SAE1: variants seen among roughly 807,000 people sequenced by gnomAD.
The protein encoded by SAE1 is SUMO-activating enzyme subunit 1.
Under a neutral mutation model 40.6 loss-of-function variants are expected in SAE1, and 11 were observed. The ratio of observed to expected loss-of-function variants is 0.27; its 90% CI spans 0.17 to 0.45. The LOEUF is 0.45. Ranked by LOEUF, SAE1 falls within the 20% of genes least tolerant of loss-of-function variation. The pLI is 1.00. For synonymous variants in SAE1, 155 were observed against 154.3 expected (o/e 1.00, Z -0.03); for missense variants, 373 against 427.3 (o/e 0.87, Z 1.12).
chr19:47,209,443 G>T lies in SAE1; in HGVS notation c.*192G>T, dbSNP rs1266562840. The T allele has an allele frequency of 3.0e-5, 28 of 946,806 alleles. No individual in the cohort carries two copies. Among genetic ancestry groups the T allele is most frequent in the Non-Finnish European group, 4.1e-5 (26 of 633,136 alleles). 58.7% of individuals were successfully genotyped at this position (946,806 alleles called of 1,614,324 possible). ...CACCAGCAGCTGCTCGACAAGGGGC[G>T]CAGGGTGGCTGTCTTTGTTCCAGCA... On this transcript the variant is annotated 3_prime_UTR_variant, in exon 9 of 9. Transcript: ENST00000270225.
intron 5 of SAE1, among the ~76,000 whole-genome samples, chr19:47,161,610 CTTA>C (rs893656181): frequency 3.9e-5 from 6 of 152,112 alleles, no homozygotes; most frequent in African/African-American, 9.6e-5. Context: ...TGACATGGAA[CTTA>C]TTATACAATA....
At chr19:47,208,667 C>T (rs948608516) in intron 8 of SAE1, among the ~76,000 whole-genome samples, 2 of 152,154 alleles carry the variant, frequency 1.3e-5, no homozygotes, top group African/African-American at 2.4e-5. Flanking sequence ...TCAGGTGATC[C>T]GCCCACTTCA....
chr19:47,208,507 C>G (rs2058697089), intron 8 of SAE1, among the ~76,000 whole-genome samples: 1 of 151,972 alleles, frequency 6.6e-6, no homozygotes, highest in East Asian at 1.9e-4. Context: ...GTGGCGCAAT[C>G]TCAGTTTACT....
At position 47,130,894 on chromosome 19, in the gene SAE1, G is replaced by A. The variant is rs938091195; in HGVS notation, c.-37G>A. ...CGCGGGTCCGGCGGGCGGTTGGCTTGAGCGGGACCGGAGCTGAGGCAGGAA... is the reference window on the plus strand; with the variant it reads ...CGCGGGTCCGGCGGGCGGTTGGCTTAAGCGGGACCGGAGCTGAGGCAGGAA... On this transcript the variant is annotated 5_prime_UTR_variant, in exon 1 of 9. Coordinates refer to ENST00000270225, the MANE Select transcript of SAE1 (RefSeq NM_005500.3). The A allele has an allele frequency of 6.5e-7, 1 of 1,547,874 alleles. No individual in the cohort carries two copies. The highest frequency in any genetic ancestry group is 8.7e-7 in the Non-Finnish European group (1 of 1,146,198).
intron 5 of SAE1, among the ~76,000 whole-genome samples, chr19:47,156,128 C>T (rs2058323199): frequency 6.6e-6 from 1 of 151,668 alleles, no homozygotes; most frequent in East Asian, 1.9e-4. Context: ...AAAAATTTGT[C>T]TGGCGTGATG....
chr19:47,172,341 G>A (rs755888800), intron 6 of SAE1, among the ~76,000 whole-genome samples: 6 of 152,224 alleles, frequency 3.9e-5, no homozygotes, highest in Admixed American at 3.9e-4. Context: ...GTGGGATCAG[G>A]TGTGGAAGAG....
chr19:47,182,598 G>A (rs1387312754), intron 6 of SAE1, among the ~76,000 whole-genome samples: 1 of 152,030 alleles, frequency 6.6e-6, no homozygotes, highest in Non-Finnish European at 1.5e-5. Context: ...GGAAACAGGA[G>A]AGGTGAGGAG....
In SAE1 at chr19:47,192,011, G is replaced by A. The variant is rs184743592; in HGVS notation, c.734-5222G>A. Among the ~76,000 whole-genome samples the A allele has an allele frequency of 2.2e-3, 324 of 149,776 alleles. 1 individual carries two copies. The highest frequency in any genetic ancestry group is 7.4e-3 in the African/African-American group (301 of 40,684). ...GGAGCTTGCAGTGAGCCGAGATCGC[G>A]CCACCGCACTCCAGCCTGGGCAACA... is the stretch of plus-strand genomic sequence containing the variant. On this transcript the variant is annotated intron_variant, in intron 6 of 8. Coordinates refer to ENST00000270225, the MANE Select transcript of SAE1 (RefSeq NM_005500.3).
chr19:47,180,346 C>T (rs759704984), intron 6 of SAE1: 12 of 441,980 alleles, frequency 2.7e-5, no homozygotes, highest in South Asian at 1.6e-4. Flanking sequence ...TAAGGAAGTG[C>T]TCTAAGAATG....
chr19:47,131,066 AG>A (rs1336180347), intron 1 of SAE1, 38 bp downstream of exon 1: 2 of 1,479,404 alleles, frequency 1.4e-6, no homozygotes. Flanking sequence ...TAGGGTCTGG[AG>A]GGGGCGTCTA....
chr19:47,148,068 T>C (rs2058265544), intron 2 of SAE1, among the ~76,000 whole-genome samples: 1 of 152,190 alleles, frequency 6.6e-6, no homozygotes, highest in East Asian at 1.9e-4. Context: ...CCCTCAACTG[T>C]ACGTTTTTAT....
intron 2 of SAE1, among the ~76,000 whole-genome samples, chr19:47,147,717 T>G (rs540443999): frequency 2.7e-4 from 41 of 151,656 alleles, no homozygotes; most frequent in African/African-American, 9.4e-4. Context: ...CCTCCCAAGC[T>G]GCTGGGTTTA....
intron 3 of SAE1, among the ~76,000 whole-genome samples, chr19:47,150,928 T>C (rs1026006834): frequency 6.6e-6 from 1 of 152,180 alleles, no homozygotes; most frequent in South Asian, 2.1e-4. Context: ...ATGAGGCATA[T>C]CCAGCCTCAT....
chr19:47,183,698 C>T (rs2058525403), intron 6 of SAE1, among the ~76,000 whole-genome samples: 1 of 152,248 alleles, frequency 6.6e-6, no homozygotes, highest in South Asian at 2.1e-4. Context: ...CAAGGCCCAG[C>T]TGCAATTCTT....
At chr19:47,154,678 T>C (rs2058309830) in intron 4 of SAE1, among the ~76,000 whole-genome samples, 2 of 151,594 alleles carry the variant, frequency 1.3e-5, no homozygotes, top group Non-Finnish European at 2.9e-5. Flanking sequence ...GTATTTTTAG[T>C]AGAGACGGGG....
chr19:47,144,915 T>G (rs573015209), intron 2 of SAE1, among the ~76,000 whole-genome samples: 2 of 152,260 alleles, frequency 1.3e-5, no homozygotes, highest in South Asian at 4.1e-4. Flanking sequence ...CACTGCAACC[T>G]CCGCTTCCCG....
At chr19:47,156,743 C>G (rs2058326943) in intron 5 of SAE1, among the ~76,000 whole-genome samples, 2 of 152,066 alleles carry the variant, frequency 1.3e-5, no homozygotes, top group African/African-American at 2.4e-5. Context: ...GGTATGAATC[C>G]TCAGATTCAT....
intron 5 of SAE1, among the ~76,000 whole-genome samples, chr19:47,163,000 AT>A (rs1219151049): frequency 2.0e-5 from 3 of 151,762 alleles, no homozygotes; most frequent in African/African-American, 4.8e-5. Context: ...TCAAAAAAAA[AT>A]TTTTTTTTAA....
At position 47,209,968 on chromosome 19, in the gene SAE1, C is replaced by T. The variant is rs2058705305; in HGVS notation, c.*717C>T. 6.6e-6 allele frequency: 1 copy of T among 152,164 alleles called. No homozygotes were observed. The highest frequency in any genetic ancestry group is 2.4e-5 in the African/African-American group (1 of 41,432). 9.4% of individuals were successfully genotyped at this position (152,164 alleles called of 1,614,324 possible). A position where few individuals can be genotyped will look rare whatever the true frequency, so the allele number is the denominator to read the frequency against. ...GCAAGTTGAGTATTAGAGAGCTTGT[C>T]TTTCAAGGCAGGTTCCTGGGGCTTC... On this transcript the variant is annotated 3_prime_UTR_variant, in exon 9 of 9. Coordinates refer to ENST00000270225, the MANE Select transcript of SAE1 (RefSeq NM_005500.3).
Sources: allele counts gnomAD v4.1 joint callset (sites outside exome capture counted in the v4.1 genomes callset), GRCh38; gene constraint gnomAD v4.1.1; transcripts MANE v1.5; gene names NCBI Gene and HGNC (gene_info 2026-07-23, HGNC 2026-07-21).